Variants in PCDHGB2 observed in about 807,000 individuals in gnomAD.
PCDHGB2 encodes the protein protocadherin gamma-B2.
In PCDHGB2, 55 loss-of-function variants were observed where a neutral mutation model predicts 59.3. The observed-to-expected ratio is 0.93, with a 90% CI of 0.75 to 1.16. The LOEUF is 1.16. PCDHGB2 is among the 50% of genes most tolerant of loss of function. PCDHGB2 has a pLI of 0.00. For synonymous variants in PCDHGB2, 516 were observed against 512.0 expected (o/e 1.01, Z -0.11); for missense variants, 1,228 against 1,198.5 (o/e 1.02, Z -0.36).
At position 141,421,030 on chromosome 5, in the gene PCDHGB2, G is replaced by A. The variant is rs989158485; in HGVS notation, c.2421+58474G>A. The stretch of plus-strand genomic sequence containing the variant: ...GGAATGGGAAGCTGCGCGCCATTGA[G>A]TCCCTCCCTCCCCCGCCTCTACCAC... On this transcript the variant is annotated intron_variant, in intron 1 of 3. Coordinates refer to ENST00000522605, the MANE Select transcript of PCDHGB2 (RefSeq NM_018923.3). 39 of 532,352 alleles carry A rather than the reference G, an allele frequency of 7.3e-5. No homozygotes were observed. In the East Asian group the frequency reaches 1.2e-3, roughly 17 times the overall value. 33.0% of individuals were successfully genotyped at this position (532,352 alleles called of 1,614,324 possible). A position where few individuals can be genotyped will look rare whatever the true frequency, so the allele number is the denominator to read the frequency against.
At chr5:141,494,733 C>G in intron 1 of PCDHGB2, 74 bp from the exon 2 acceptor site, 1 of 1,610,826 alleles carries the variant, frequency 6.2e-7, no homozygotes, top group South Asian at 1.1e-5. Flanking sequence ...CTCTCCCGGC[C>G]CATCCCTAGG....
chr5:141,490,412 C>T lies in PCDHGB2; in HGVS notation c.2422-4395C>T, dbSNP rs2233605. 10 of 1,614,062 alleles carry T rather than the reference C, an allele frequency of 6.2e-6. No homozygotes were observed. The highest frequency in any genetic ancestry group is 4.0e-5 in the African/African-American group (3 of 74,910). Reference sequence around the variant, plus strand: ...GGTGAAGTGAGCCTTGATATCTCTCCGGACCTGCCATTTCAGATTAAGCCT... The same window carrying T: ...GGTGAAGTGAGCCTTGATATCTCTCTGGACCTGCCATTTCAGATTAAGCCT... On this transcript the variant is annotated intron_variant, in intron 1 of 3. Transcript: ENST00000522605. This position sits in a 1 kb window ranked among gnomAD's most constrained non-coding sequence, Gnocchi z 5.4.
intron 1 of PCDHGB2, chr5:141,409,139 GA>G: frequency 1.9e-6 from 3 of 1,614,012 alleles, no homozygotes; most frequent in Non-Finnish European, 2.5e-6. Context: ...TGAAGATGTA[GA>G]AAGGTACACC....
intron 1 of PCDHGB2, among the ~76,000 whole-genome samples, chr5:141,467,254 T>C (rs1291193879): frequency 2.0e-5 from 3 of 152,248 alleles, no homozygotes; most frequent in Admixed American, 6.5e-5. Flanking sequence ...GGTTTCACCA[T>C]GTTGGCCAGG....
intron 1 of PCDHGB2, among the ~76,000 whole-genome samples, chr5:141,425,497 CT>C (rs2096879671): frequency 6.6e-6 from 1 of 152,164 alleles, no homozygotes; most frequent in African/African-American, 2.4e-5. Context: ...TAGGCTATAC[CT>C]TTATATTCTC....
At position 141,388,660 on chromosome 5, in the gene PCDHGB2, C is replaced by A. The variant is rs762083225; in HGVS notation, c.2421+26104C>A. 5.0e-6 allele frequency: 8 copies of A among 1,613,714 alleles called. No individual in the cohort carries two copies. The South Asian group carries it at 8.8e-5, about 18-fold the overall frequency. On this transcript the variant is annotated intron_variant, in intron 1 of 3. Transcript: ENST00000522605. Reference sequence around the variant, plus strand: ...CTTTCAGAAAACGTGTACCCGGGGACCACGGTGCTACAGGTGACTGCCACG... The same window carrying A: ...CTTTCAGAAAACGTGTACCCGGGGAACACGGTGCTACAGGTGACTGCCACG...
Position 141,490,148 on chromosome 5 carries a change from A to T in PCDHGB2, c.2422-4659A>T. On this transcript the variant is annotated intron_variant, in intron 1 of 3. Transcript: ENST00000522605. This position sits in a 1 kb window ranked among gnomAD's most constrained non-coding sequence, Gnocchi z 5.4. The stretch of plus-strand genomic sequence containing the variant: ...CTAGACCCTAGCAGTGGGGCAATCC[A>T]TGTGTTGGGTCCCATAGACTTTGAG... The T allele has an allele frequency of 6.2e-7, 1 of 1,614,232 alleles. No homozygotes were observed. The highest frequency in any genetic ancestry group is 1.3e-5 in the African/African-American group (1 of 75,068).
intron 1 of PCDHGB2, chr5:141,407,992 G>A (rs929571955): frequency 4.3e-5 from 37 of 851,508 alleles, no homozygotes; most frequent in Middle Eastern, 3.7e-4. Context: ...GTCAGCCTCT[G>A]GCCTGGGATT....
chr5:141,454,796 ATTTTTTTTTT>A (rs61612330), intron 1 of PCDHGB2, among the ~76,000 whole-genome samples: 11 of 77,458 alleles, frequency 1.4e-4, no homozygotes, highest in East Asian at 8.0e-4. Flanking sequence ...CATGGTTCTA[ATTTTTTTTTT>A]TTTTTTTTTT....
intron 1 of PCDHGB2, among the ~76,000 whole-genome samples, chr5:141,466,351 A>G (rs897901821): frequency 6.6e-6 from 1 of 152,050 alleles, no homozygotes; most frequent in African/African-American, 2.4e-5. Context: ...TTTTGCAGCT[A>G]ATCTAGATGT....
chr5:141,458,340 G>C (rs4551132), intron 1 of PCDHGB2, among the ~76,000 whole-genome samples: 42,372 of 151,882 alleles, frequency 0.28, 6,646 homozygotes, highest in African/African-American at 0.43. Context: ...TTTAAGGAGT[G>C]GAGAGTTTAA....
Position 141,438,021 on chromosome 5 carries a change from G to T in PCDHGB2, c.2422-56786G>T, listed in dbSNP as rs112167613. ...CTCCCAAATAGCTGAGATTACAGGT[G>T]TGAGCCACCATGCCCGACCACTTTG... On this transcript the variant is annotated intron_variant, in intron 1 of 3. Transcript: ENST00000522605. Among the ~76,000 whole-genome samples the T allele has an allele frequency of 1.6e-3, 250 of 152,256 alleles. 2 individuals are homozygous for T. Among genetic ancestry groups the T allele is most frequent in the African/African-American group, 5.3e-3 (221 of 41,544 alleles).
rs746063311 is a variant in PCDHGB2, at chr5:141,376,553, G to C, written c.2421+13997G>C. 1.7e-5 allele frequency: 28 copies of C among 1,610,698 alleles called. No homozygotes were observed. The Admixed American group carries it at 2.2e-4, about 13-fold the overall frequency. On this transcript the variant is annotated intron_variant, in intron 1 of 3. Coordinates refer to ENST00000522605, the MANE Select transcript of PCDHGB2 (RefSeq NM_018923.3). ...GCGGGAAGAGTAATCTGATCTTCCC[G>C]CAACCCAACTAATCAGACAGGCTCA...
rs183549806 is a variant in PCDHGB2 at position 141,487,760 on chromosome 5, G to A, written c.2422-7047G>A. ...TGTAAGAGGTAACTATGTGGTAGAC[G>A]CTGTGCTTTGTAACTGTTTCGTGAA... On this transcript the variant is annotated intron_variant, in intron 1 of 3. Transcript: ENST00000522605. The surrounding 1 kb of genome is among the most constrained non-coding windows in gnomAD (Gnocchi z 5.0). 42 of 1,545,950 alleles carry A rather than the reference G, an allele frequency of 2.7e-5. No homozygotes were observed. The African/African-American group carries it at 3.8e-4, about 14-fold the overall frequency.
intron 1 of PCDHGB2, chr5:141,427,998 C>G: frequency 6.2e-7 from 1 of 1,600,956 alleles, no homozygotes; most frequent in Non-Finnish European, 8.6e-7. Context: ...TGGCTCCGCA[C>G]TCTTCGATAT....
At chr5:141,480,956 C>G (rs2099528870) in intron 1 of PCDHGB2, among the ~76,000 whole-genome samples, 1 of 152,064 alleles carries the variant, frequency 6.6e-6, no homozygotes, top group South Asian at 2.1e-4. Flanking sequence ...GAGGCGGAAG[C>G]ATCAGTGAGG....
chr5:141,474,486 C>G (rs531956129), intron 1 of PCDHGB2, among the ~76,000 whole-genome samples: 11 of 152,326 alleles, frequency 7.2e-5, no homozygotes, highest in African/African-American at 2.4e-4. Context: ...TAAATGTATT[C>G]TATCTTCTAA....
intron 1 of PCDHGB2, among the ~76,000 whole-genome samples, chr5:141,488,661 G>T (rs573211567): frequency 6.6e-6 from 1 of 152,246 alleles, no homozygotes; most frequent in African/African-American, 2.4e-5. Context: ...GGAGGGTGGG[G>T]GAATACATGG....
intron 1 of PCDHGB2, chr5:141,418,005 A>G: frequency 6.2e-7 from 1 of 1,613,764 alleles, no homozygotes. Flanking sequence ...GTGGTGGGGA[A>G]CCTCGCTAAG....
Sources: gnomAD v4.1 joint callset for allele counts (sites outside exome capture counted in the v4.1 genomes callset) on GRCh38, gnomAD v4.1.1 for gene constraint, Gnocchi (gnomAD v3.1) non-coding constraint, MANE v1.5 for transcripts, NCBI Gene and HGNC (gene_info 2026-07-23, HGNC 2026-07-21) for gene names.